Variants in PRKD1 observed in about 807,000 individuals in gnomAD.
PRKD1 encodes the protein protein kinase D1.
Under a neutral mutation model 95.9 loss-of-function variants are expected in PRKD1, and 63 were observed. The ratio of observed to expected loss-of-function variants is 0.66; its 90% CI spans 0.54 to 0.81. The LOEUF is 0.81. PRKD1 is among the 30% of genes least tolerant of loss of function. The probability of loss-of-function intolerance (pLI) is 0.00; values close to 1 mark genes in which losing one functional copy is unlikely to be tolerated. For synonymous variants in PRKD1, 425 were observed against 423.1 expected, an observed-to-expected ratio of 1.00 and a Z score of -0.05; for missense variants, 1,048 against 1,165.3, an observed-to-expected ratio of 0.90 and a Z score of 1.47.
At chr14:29,807,582 G>C (rs1421392803) in intron 1 of PRKD1, among the ~76,000 whole-genome samples, 1 of 151,408 alleles carries the variant, frequency 6.6e-6, no homozygotes, top group Non-Finnish European at 1.5e-5. Flanking sequence ...TTTTTTTCTA[G>C]AGATGAGGTT....
At chr14:29,585,235 A>G (rs1892879666) in intron 16 of PRKD1, among the ~76,000 whole-genome samples, 1 of 152,104 alleles carries the variant, frequency 6.6e-6, no homozygotes, top group African/African-American at 2.4e-5. Flanking sequence ...AGCAACACTA[A>G]CTGGGACGCT....
rs1411411111 is a variant in PRKD1 at position 29,700,969 on chromosome 14, TGCGCATGCGC to T, written c.403+24557_403+24566del. 3.5e-4 allele frequency among the ~76,000 whole-genome samples: 13 copies of T among 37,000 alleles called. No homozygotes were observed. The African/African-American group carries it at 5.4e-3, about 15-fold the overall frequency. 24.3% of individuals were successfully genotyped at this position (37,000 alleles called of 152,430 possible). ...CTCCCAAGGCATTTGTGTGTACGCGTGCGCATGCGCGCGCGCGCGCACACACACACACACA... is the reference window on the plus strand; with the variant it reads ...CTCCCAAGGCATTTGTGTGTACGCGTGCGCGCGCGCACACACACACACACA... On this transcript the variant is annotated intron_variant, in intron 2 of 17. Coordinates refer to ENST00000331968, the MANE Select transcript of PRKD1 (RefSeq NM_002742.3).
chr14:29,862,134 T>TGAAAA (rs1169710446), intron 1 of PRKD1, among the ~76,000 whole-genome samples: 1 of 152,202 alleles, frequency 6.6e-6, no homozygotes, highest in Non-Finnish European at 1.5e-5. Context: ...ATGTGAGGTT[T>TGAAAA]ATCTTTCTGT....
intron 1 of PRKD1, among the ~76,000 whole-genome samples, chr14:29,857,263 G>A (rs910189589): frequency 2.0e-5 from 3 of 152,096 alleles, no homozygotes; most frequent in Non-Finnish European, 4.4e-5. Context: ...TGGGCCTCAG[G>A]AGCATGAACC....
Position 29,610,384 on chromosome 14 carries a change from A to T in PRKD1, c.1906-10567T>A, listed in dbSNP as rs72675584. Reference sequence around the variant, plus strand: ...CCTTAACAGACCCCCTTACCAAAGAAGCTATACAGATGGAAAATAAGTACA... The same window carrying T: ...CCTTAACAGACCCCCTTACCAAAGATGCTATACAGATGGAAAATAAGTACA... On this transcript the variant is annotated intron_variant, in intron 13 of 17. Transcript: ENST00000331968. 2.6e-3 allele frequency among the ~76,000 whole-genome samples: 398 copies of T among 152,326 alleles called. 1 individual carries two copies. The highest frequency in any genetic ancestry group is 5.0e-3 in the Non-Finnish European group (339 of 68,028).
At position 29,701,591 on chromosome 14, in the gene PRKD1, TA is replaced by T. The variant is rs921997787; in HGVS notation, c.403+23944del. ...TTCTGAATTCCTTACTTTTACTTGTTATTTTTTTGAATAATTAGTTGGTACC... is the reference window on the plus strand; with the variant it reads ...TTCTGAATTCCTTACTTTTACTTGTTTTTTTTTGAATAATTAGTTGGTACC... On this transcript the variant is annotated intron_variant, in intron 2 of 17. Transcript: ENST00000331968. Among the ~76,000 whole-genome samples the T allele has an allele frequency of 8.5e-5, 13 of 152,226 alleles. 1 individual carries two copies. The highest frequency in any genetic ancestry group is 6.5e-4 in the Admixed American group (10 of 15,288).
intron 13 of PRKD1, among the ~76,000 whole-genome samples, chr14:29,621,920 A>T (rs1879290922): frequency 1.3e-5 from 2 of 152,180 alleles, no homozygotes; most frequent in African/African-American, 4.8e-5. Flanking sequence ...CTGGACTTTC[A>T]ACCTAACCAA....
chr14:29,789,382 A>G (rs1889431159), intron 1 of PRKD1, among the ~76,000 whole-genome samples: 1 of 151,980 alleles, frequency 6.6e-6, no homozygotes, highest in South Asian at 2.1e-4. Flanking sequence ...AATTTTATGG[A>G]TGGCTTTTTG....
At chr14:29,676,004 A>G (rs537246856) in intron 2 of PRKD1, among the ~76,000 whole-genome samples, 56 of 148,204 alleles carry the variant, frequency 3.8e-4, no homozygotes, top group African/African-American at 1.3e-3. Flanking sequence ...GGGGAGGGAT[A>G]ACATTAGGAG....
intron 2 of PRKD1, among the ~76,000 whole-genome samples, chr14:29,707,204 T>C (rs527355727): frequency 5.3e-5 from 8 of 152,260 alleles, no homozygotes; most frequent in East Asian, 1.9e-4. Flanking sequence ...TAGAGAAATA[T>C]TGTTATCCAA....
chr14:29,898,449 G>A (rs934169563), intron 1 of PRKD1, among the ~76,000 whole-genome samples: 7 of 152,084 alleles, frequency 4.6e-5, no homozygotes, highest in African/African-American at 1.2e-4. Context: ...GTCCGTAAGT[G>A]CCTGGGGAAA....
chr14:29,717,119 T>C (rs1462024430), intron 2 of PRKD1, among the ~76,000 whole-genome samples: 1 of 152,168 alleles, frequency 6.6e-6, no homozygotes, highest in African/African-American at 2.4e-5. Flanking sequence ...AGGACATCAA[T>C]TTAATTATTC....
intron 1 of PRKD1, among the ~76,000 whole-genome samples, chr14:29,824,856 C>A (rs750067823): frequency 4.0e-5 from 6 of 151,886 alleles, no homozygotes; most frequent in African/African-American, 1.2e-4. Flanking sequence ...AATTAGAGAG[C>A]CTTATGATTG....
chr14:29,868,780 T>C (rs1367851596), intron 1 of PRKD1, among the ~76,000 whole-genome samples: 1 of 152,206 alleles, frequency 6.6e-6, no homozygotes, highest in Non-Finnish European at 1.5e-5. Flanking sequence ...AATGTTTTCA[T>C]GGAACAATGA....
chr14:29,832,945 C>A (rs1241352523), intron 1 of PRKD1, among the ~76,000 whole-genome samples: 4 of 151,986 alleles, frequency 2.6e-5, no homozygotes, highest in African/African-American at 4.8e-5. Context: ...CCTTCTTTCT[C>A]TCAAGTCAGT....
chr14:29,689,900 T>C (rs574334593), intron 2 of PRKD1, among the ~76,000 whole-genome samples: 11 of 152,280 alleles, frequency 7.2e-5, no homozygotes, highest in Admixed American at 2.0e-4. Flanking sequence ...TTCTCACTTA[T>C]ATGTGGGAGC....
intron 12 of PRKD1, among the ~76,000 whole-genome samples, 164 bp from the exon 13 acceptor site, chr14:29,624,422 T>C (rs1178712491): frequency 2.0e-5 from 3 of 152,138 alleles, no homozygotes; most frequent in African/African-American, 7.2e-5. Flanking sequence ...AAAGATTTCA[T>C]TATTCTAAAT....
intron 2 of PRKD1, among the ~76,000 whole-genome samples, chr14:29,694,636 T>TG (rs1280313961): frequency 6.6e-6 from 1 of 152,064 alleles, no homozygotes; most frequent in Non-Finnish European, 1.5e-5. Flanking sequence ...AATCATGTAG[T>TG]ATGTTAGGTA....
intron 16 of PRKD1, among the ~76,000 whole-genome samples, chr14:29,594,866 G>T (rs1229597363): frequency 1.3e-5 from 2 of 152,292 alleles, no homozygotes; most frequent in Non-Finnish European, 2.9e-5. Flanking sequence ...TTCTCAATAA[G>T]ATAATGGGAT....
Sources: gnomAD v4.1 joint callset for allele counts (sites outside exome capture counted in the v4.1 genomes callset) on GRCh38, gnomAD v4.1.1 for gene constraint, MANE v1.5 for transcripts, NCBI Gene and HGNC (gene_info 2026-07-23, HGNC 2026-07-21) for gene names.